NLRC3: variants seen among roughly 807,000 people sequenced by gnomAD.
NLRC3 encodes NLR family CARD domain containing 3.
Under a neutral mutation model 91.6 loss-of-function variants are expected in NLRC3, and 87 were observed. The ratio of observed to expected loss-of-function variants is 0.95; its 90% CI spans 0.80 to 1.14. NLRC3 has a LOEUF of 1.14. Ranked by LOEUF, NLRC3 falls within the 50% of genes most tolerant of loss-of-function variation. NLRC3 has a pLI of 0.00. For synonymous variants in NLRC3, 694 were observed against 625.3 expected, an observed-to-expected ratio of 1.11 and a Z score of -1.64; for missense variants, 1,577 against 1,418.6, an observed-to-expected ratio of 1.11 and a Z score of -1.79.
In NLRC3 at chr16:3,544,712, C is replaced by T. The variant is rs141336886; in HGVS notation, c.2772-383G>A. ...CTTGAGACAGGGTCTCACTCTGCCA[C>T]CCAGGCTGGAATGCAGTGGTGAGAT... is the stretch of plus-strand genomic sequence containing the variant. On this transcript the variant is annotated intron_variant, in intron 15 of 19. Transcript: ENST00000359128. The T allele has an allele frequency of 9.1e-3, 1,994 of 219,932 alleles. 12 individuals carry two copies. Among genetic ancestry groups the T allele is most frequent in the Non-Finnish European group, 0.013 (1,432 of 107,744 alleles). 13.6% of individuals were successfully genotyped at this position (219,932 alleles called of 1,614,324 possible).
In NLRC3 at chr16:3,541,815, T is replaced by A. The variant is rs1374211423; in HGVS notation, c.*10A>T. ...AGCATCTGCCCATTCTCCTGATCCG[T>A]CCACCAGGATCACATTTCAACAGTG... On this transcript the variant is annotated 3_prime_UTR_variant, in exon 20 of 20. Coordinates refer to ENST00000359128, the MANE Select transcript of NLRC3 (RefSeq NM_178844.4). The A allele has an allele frequency of 1.3e-6, 2 of 1,575,216 alleles. No individual in the cohort carries two copies. The highest frequency in any genetic ancestry group is 3.4e-5 in the Admixed American group (2 of 59,600).
chr16:3,543,339 C>G, intron 17 of NLRC3, 86 bp downstream of exon 17: 1 of 928,118 alleles, frequency 1.1e-6, no homozygotes, highest in Middle Eastern at 2.1e-4. Flanking sequence ...TGTGAGTTGT[C>G]TGTAAACTTT....
intron 5 of NLRC3, 61 bp downstream of exon 5, chr16:3,562,948 G>A: frequency 7.0e-7 from 1 of 1,428,114 alleles, no homozygotes; most frequent in Non-Finnish European, 9.6e-7. Flanking sequence ...GTGGGGAGGG[G>A]ACGGCTTCTG....
chr16:3,574,529 T>C (rs1453461434), intron 1 of NLRC3, among the ~76,000 whole-genome samples: 1 of 152,050 alleles, frequency 6.6e-6, no homozygotes, highest in Non-Finnish European at 1.5e-5. Context: ...GGACGGGGTG[T>C]AGGGGGCTGG....
intron 10 of NLRC3, among the ~76,000 whole-genome samples, chr16:3,551,116 T>C (rs1235720701): frequency 1.3e-5 from 2 of 151,484 alleles, no homozygotes; most frequent in African/African-American, 4.9e-5. Flanking sequence ...CATCCACCCA[T>C]CCATCCATTT....
intron 1 of NLRC3, among the ~76,000 whole-genome samples, chr16:3,573,298 A>C (rs1317376453): frequency 6.6e-6 from 1 of 151,408 alleles, no homozygotes; most frequent in Admixed American, 6.6e-5. Context: ...ACGGTGGCGC[A>C]TGCCTGTAAT....
intron 3 of NLRC3, 56 bp from the exon 4 acceptor site, chr16:3,565,116 G>T: frequency 1.4e-6 from 2 of 1,379,406 alleles, no homozygotes; most frequent in Non-Finnish European, 2.0e-6. Flanking sequence ...CAGCAGCCTG[G>T]GACAGGTGAG....
Position 3,567,308 on chromosome 16 carries a change from T to C in NLRC3, c.-152A>G, listed in dbSNP as rs1006172607. ...GGAACTCAATGGATGGGGCTCAGCC[T>C]TCCGTTGTCCACAGTTCTAGGAGAA... On this transcript the variant is annotated 5_prime_UTR_variant, in exon 2 of 20. Coordinates refer to ENST00000359128, the MANE Select transcript of NLRC3 (RefSeq NM_178844.4). 2 of 152,246 alleles carry C rather than the reference T, an allele frequency of 1.3e-5. No individual in the cohort carries two copies. Among genetic ancestry groups the C allele is most frequent in the African/African-American group, 4.8e-5 (2 of 41,434 alleles). The allele number at this position is 152,246 out of a possible 1,614,324, so 9.4% of individuals were successfully genotyped here.
chr16:3,557,301 C>T lies in NLRC3; in HGVS notation c.2099+292G>A, dbSNP rs963186279. 1.1e-4 allele frequency among the ~76,000 whole-genome samples: 16 copies of T among 152,178 alleles called. No individual in the cohort carries two copies. In the East Asian group the frequency reaches 1.3e-3, roughly 13 times the overall value. On this transcript the variant is annotated intron_variant, in intron 7 of 19. Transcript: ENST00000359128. ...ATCTGGTGTGTCCCTGGCTGTAGCC[C>T]GGCAACTGAGGAGCCATGGTTCAGC...
chr16:3,571,458 C>T (rs2040093238), intron 1 of NLRC3, among the ~76,000 whole-genome samples: 1 of 149,800 alleles, frequency 6.7e-6, no homozygotes, highest in Admixed American at 6.7e-5. Context: ...GTAGGAGGAC[C>T]CCTTGAGCTC....
At chr16:3,546,777 A>G (rs902276585) in intron 15 of NLRC3, among the ~76,000 whole-genome samples, 1 of 152,140 alleles carries the variant, frequency 6.6e-6, no homozygotes, top group Non-Finnish European at 1.5e-5. Context: ...TGGGACACGG[A>G]CGTGGGAGTC....
rs1317843218 is a variant in NLRC3, at chr16:3,549,125, A to G, written c.2603+17T>C. On this transcript the variant is annotated intron_variant, in intron 13 of 19. Coordinates refer to ENST00000359128, the MANE Select transcript of NLRC3 (RefSeq NM_178844.4). ...TGGCATGAACAGCCTGTGGAGTCACAGGCCCCCACCACGTACTCCAGGTTC... is the reference window on the plus strand; with the variant it reads ...TGGCATGAACAGCCTGTGGAGTCACGGGCCCCCACCACGTACTCCAGGTTC... 3.2e-6 allele frequency: 5 copies of G among 1,540,626 alleles called. No individual in the cohort carries two copies. Among genetic ancestry groups the G allele is most frequent in the Non-Finnish European group, 4.4e-6 (5 of 1,133,314 alleles).
At position 3,564,781 on chromosome 16, in the gene NLRC3, G is replaced by A; in HGVS notation, c.179-23C>T. ...AGTCTGCGGGACAGAGGCCAGTGGGGAGGTCTGGTAAGGGAAGAGTGGGCA... is the reference window on the plus strand; with the variant it reads ...AGTCTGCGGGACAGAGGCCAGTGGGAAGGTCTGGTAAGGGAAGAGTGGGCA... On this transcript the variant is annotated intron_variant, in intron 4 of 19. Coordinates refer to ENST00000359128, the MANE Select transcript of NLRC3 (RefSeq NM_178844.4). This position sits in a 1 kb window ranked among gnomAD's most constrained non-coding sequence, Gnocchi z 5.9. 2 of 1,567,328 alleles carry A rather than the reference G, an allele frequency of 1.3e-6. No homozygotes were observed. The highest frequency in any genetic ancestry group is 1.7e-6 in the Non-Finnish European group (2 of 1,160,142).
chr16:3,574,974 A>G (rs909166425), intron 1 of NLRC3, among the ~76,000 whole-genome samples: 7 of 152,072 alleles, frequency 4.6e-5, no homozygotes, highest in African/African-American at 1.7e-4. Context: ...AATAATGATA[A>G]AATATGAGAT....
At chr16:3,571,832 C>T (rs2040108187) in intron 1 of NLRC3, among the ~76,000 whole-genome samples, 1 of 150,454 alleles carries the variant, frequency 6.6e-6, no homozygotes, top group Non-Finnish European at 1.5e-5. Flanking sequence ...CCCGGCTACT[C>T]GGGAGGCTGA....
At position 3,548,598 on chromosome 16, in the gene NLRC3, A is replaced by G. The variant is rs115703422; in HGVS notation, c.2687+72T>C. 5,765 of 1,145,098 alleles carry G rather than the reference A, an allele frequency of 5.0e-3. 121 individuals are homozygous for G. The African/African-American group carries it at 0.055, about 11-fold the overall frequency. 70.9% of individuals were successfully genotyped at this position (1,145,098 alleles called of 1,614,324 possible). On this transcript the variant is annotated intron_variant, in intron 14 of 19. Coordinates refer to ENST00000359128, the MANE Select transcript of NLRC3 (RefSeq NM_178844.4). ...TCCCCAAACCAGGTGTGGCCTGTGC[A>G]TCGTTGGTTTGGGTGGAGCCCGGCA...
chr16:3,552,129 A>G (rs1285943676), intron 10 of NLRC3, 67 bp downstream of exon 10: 1 of 954,964 alleles, frequency 1.0e-6, no homozygotes, highest in African/African-American at 1.6e-5. Flanking sequence ...GCTCACAAAT[A>G]TTTGTGCTGG....
At chr16:3,554,379 G>C in intron 8 of NLRC3, 54 bp from the exon 9 acceptor site, 3 of 1,386,346 alleles carry the variant, frequency 2.2e-6, no homozygotes, top group Non-Finnish European at 3.1e-6. Context: ...GGAACCCAGG[G>C]GTCTGAACTC....
At chr16:3,552,427 T>G in intron 9 of NLRC3, 148 bp from the exon 10 acceptor site, 1 of 634,094 alleles carries the variant, frequency 1.6e-6, no homozygotes, top group Non-Finnish European at 2.8e-6. Flanking sequence ...GATGGGTCTT[T>G]GGATTGTTGC....
Sources: gnomAD v4.1 joint callset for allele counts (sites outside exome capture counted in the v4.1 genomes callset) on GRCh38, gnomAD v4.1.1 for gene constraint, Gnocchi (gnomAD v3.1) non-coding constraint, MANE v1.5 for transcripts, NCBI Gene and HGNC (gene_info 2026-07-23, HGNC 2026-07-21) for gene names.